Variants in PTPRN2 observed in about 807,000 individuals in gnomAD.
PTPRN2 encodes protein tyrosine phosphatase receptor type N2, also known as receptor-type tyrosine-protein phosphatase N2.
In PTPRN2, 74 loss-of-function variants were observed where a neutral mutation model predicts 118.8. The observed-to-expected ratio is 0.62, with a 90% confidence interval of 0.52 to 0.76. The LOEUF is 0.76. Ranked by LOEUF, PTPRN2 falls within the 30% of genes least tolerant of loss-of-function variation. PTPRN2 has a pLI of 0.00. For synonymous variants in PTPRN2, 641 were observed against 608.0 expected (o/e 1.05, Z -0.80); for missense variants, 1,481 against 1,394.4 (o/e 1.06, Z -0.99).
At chr7:157,994,529 TTACAGCTCCTTGTTCCTAAAATCA>T (rs1804512770) in intron 11 of PTPRN2, among the ~76,000 whole-genome samples, 2 of 136,450 alleles carry the variant, frequency 1.5e-5, no homozygotes, top group African/African-American at 5.3e-5. Context: ...CATCCCCAGC[TTACAGCTCCTTGTTCCTAAAATCA>T]GCACCGCGTC....
intron 5 of PTPRN2, among the ~76,000 whole-genome samples, chr7:158,181,057 T>C (rs1448458599): frequency 6.6e-6 from 1 of 152,156 alleles, no homozygotes; most frequent in Non-Finnish European, 1.5e-5. Context: ...CCCCATTCCA[T>C]ATAATGTTGG....
intron 4 of PTPRN2, among the ~76,000 whole-genome samples, chr7:158,193,560 C>T (rs905916721): frequency 2.0e-5 from 3 of 152,118 alleles, no homozygotes; most frequent in Admixed American, 1.3e-4. Flanking sequence ...TGAGCCTGCG[C>T]CCTGTCCCCC....
intron 11 of PTPRN2, among the ~76,000 whole-genome samples, chr7:158,023,788 TCATGCACATG>T (rs1807073984): frequency 6.6e-6 from 1 of 152,146 alleles, no homozygotes; most frequent in African/African-American, 2.4e-5. Flanking sequence ...CCCTCCTGAG[TCATGCACATG>T]CATGCAGGCA....
At chr7:157,752,931 CACT>C (rs1326143479) in intron 12 of PTPRN2, among the ~76,000 whole-genome samples, 11 of 151,390 alleles carry the variant, frequency 7.3e-5, no homozygotes, top group African/African-American at 2.7e-4. Flanking sequence ...TGGCAGCACC[CACT>C]CCTGCTGGAA....
At chr7:158,259,950 ATATG>A (rs1452852456) in intron 3 of PTPRN2, among the ~76,000 whole-genome samples, 2 of 114,622 alleles carry the variant, frequency 1.7e-5, no homozygotes, top group African/African-American at 4.1e-5. Flanking sequence ...TGGTATACAC[ATATG>A]TATTTGTCCA....
At chr7:157,660,238 G>T (rs1206509347) in intron 13 of PTPRN2, among the ~76,000 whole-genome samples, 3 of 152,090 alleles carry the variant, frequency 2.0e-5, no homozygotes, top group Non-Finnish European at 2.9e-5. Context: ...TGGGGAAGAG[G>T]ATTTGAAACG....
At chr7:157,976,574 T>A (rs1328173334) in intron 11 of PTPRN2, among the ~76,000 whole-genome samples, 1 of 151,614 alleles carries the variant, frequency 6.6e-6, no homozygotes, top group Non-Finnish European at 1.5e-5. Flanking sequence ...CCTGGGATAG[T>A]CACGCATGTG....
chr7:158,083,488 C>T (rs1421218163), intron 10 of PTPRN2, among the ~76,000 whole-genome samples: 1 of 152,130 alleles, frequency 6.6e-6, no homozygotes, highest in African/African-American at 2.4e-5. Flanking sequence ...CTAATTTTTC[C>T]CTCACGTGCT....
chr7:158,418,367 G>A lies in PTPRN2; in HGVS notation c.163+71368C>T, dbSNP rs1419819403. Among the ~76,000 whole-genome samples, 39 of 150,374 alleles carry A rather than the reference G, an allele frequency of 2.6e-4. 2 individuals carry two copies. Among genetic ancestry groups the A allele is most frequent in the African/African-American group, 8.8e-4 (36 of 40,766 alleles). ...CCGTGTCCCGCTGTGTTAAGTCATG[G>A]TGAACTACATCAAGATGCTCTAGCT... On this transcript the variant is annotated intron_variant, in intron 2 of 22. Coordinates refer to ENST00000389418, the MANE Select transcript of PTPRN2 (RefSeq NM_002847.5).
intron 11 of PTPRN2, among the ~76,000 whole-genome samples, chr7:158,067,868 G>A (rs956383060): frequency 1.3e-5 from 2 of 152,048 alleles, no homozygotes; most frequent in Non-Finnish European, 2.9e-5. Context: ...ACTGGGTCAC[G>A]CCGGGCCATG....
intron 3 of PTPRN2, among the ~76,000 whole-genome samples, chr7:158,303,182 A>C (rs867695845): frequency 6.6e-6 from 1 of 151,686 alleles, no homozygotes; most frequent in African/African-American, 2.4e-5. Flanking sequence ...AAAAAAAAAA[A>C]AAATTCTTTG....
intron 12 of PTPRN2, among the ~76,000 whole-genome samples, chr7:157,898,033 G>A (rs1004406168): frequency 6.6e-6 from 1 of 152,254 alleles, no homozygotes; most frequent in African/African-American, 2.4e-5. Flanking sequence ...GGCGCGGTGC[G>A]GGGAGGCGCC....
chr7:158,333,441 C>G (rs1473929021), intron 2 of PTPRN2, among the ~76,000 whole-genome samples: 1 of 146,984 alleles, frequency 6.8e-6, no homozygotes, highest in Non-Finnish European at 1.5e-5. Context: ...GAGGTGACAC[C>G]TGCAGACGTC....
At chr7:158,138,061 ACCT>A (rs1325236882) in intron 7 of PTPRN2, among the ~76,000 whole-genome samples, 3 of 152,170 alleles carry the variant, frequency 2.0e-5, no homozygotes, top group Non-Finnish European at 4.4e-5. Context: ...GAGGAGTGAA[ACCT>A]CCTCGCAGAG....
chr7:158,421,105 G>A (rs553587148), intron 2 of PTPRN2, among the ~76,000 whole-genome samples: 72 of 152,254 alleles, frequency 4.7e-4, no homozygotes, highest in Non-Finnish European at 7.1e-4. Context: ...CCCATTAGAC[G>A]TGTGTGGCTC....
chr7:158,188,236 T>C (rs1259019163), intron 5 of PTPRN2, among the ~76,000 whole-genome samples: 1 of 61,436 alleles, frequency 1.6e-5, no homozygotes, highest in African/African-American at 5.4e-5. Context: ...GCCGCCACGC[T>C]TGCCCCGCGA....
chr7:158,165,216 T>G (rs1204057076), intron 6 of PTPRN2, among the ~76,000 whole-genome samples: 1 of 137,702 alleles, frequency 7.3e-6, no homozygotes, highest in South Asian at 2.4e-4. Flanking sequence ...CCTGATGGTG[T>G]CTAGTACCCA....
chr7:157,851,932 G>A (rs1349163233), intron 12 of PTPRN2, among the ~76,000 whole-genome samples: 1 of 152,080 alleles, frequency 6.6e-6, no homozygotes, highest in Non-Finnish European at 1.5e-5. Flanking sequence ...CGCCCACCTC[G>A]CTGCGGGCAA....
intron 21 of PTPRN2, among the ~76,000 whole-genome samples, chr7:157,559,630 G>A (rs1799078712): frequency 6.6e-6 from 1 of 152,196 alleles, no homozygotes. Context: ...GCAGCAGGGA[G>A]CAGAATCAGG....
Sources: gnomAD v4.1 joint callset for allele counts (sites outside exome capture counted in the v4.1 genomes callset) on GRCh38, gnomAD v4.1.1 for gene constraint, MANE v1.5 for transcripts, NCBI Gene and HGNC (gene_info 2026-07-23, HGNC 2026-07-21) for gene names.